Variants in ACSL3 observed in about 807,000 individuals in gnomAD.
ACSL3 encodes the protein fatty acid CoA ligase Acsl3.
A neutral mutation model predicts 84.7 loss-of-function variants in ACSL3; 34 were observed. The observed-to-expected ratio is 0.40, with a 90% CI of 0.31 to 0.53. The LOEUF (loss-of-function observed/expected upper bound fraction) is 0.53. ACSL3 is among the 20% of genes least tolerant of loss of function. The pLI, the probability that ACSL3 is intolerant of heterozygous loss-of-function variation, is 0.48. For synonymous variants in ACSL3, 315 were observed against 299.4 expected, an observed-to-expected ratio of 1.05 and a Z score of -0.54; for missense variants, 680 against 873.1, an observed-to-expected ratio of 0.78 and a Z score of 2.79.
chr2:222,892,577 G>A (rs1695868474), intron 2 of ACSL3, among the ~76,000 whole-genome samples: 1 of 152,070 alleles, frequency 6.6e-6, no homozygotes, highest in Non-Finnish European at 1.5e-5. Flanking sequence ...ATTCATCTGG[G>A]ACTCTTAAGT....
intron 1 of ACSL3, among the ~76,000 whole-genome samples, chr2:222,872,603 G>C (rs1240839206): frequency 6.6e-6 from 1 of 152,072 alleles, no homozygotes; most frequent in Non-Finnish European, 1.5e-5. Flanking sequence ...CCCTTCCCTG[G>C]TGCATAGAGT....
In ACSL3 at chr2:222,943,668, A is replaced by G. The variant is rs373984622; in HGVS notation, c.*2014A>G. 1.3e-5 allele frequency: 2 copies of G among 152,320 alleles called. No individual in the cohort carries two copies. The highest frequency in any genetic ancestry group is 6.5e-5 in the Admixed American group (1 of 15,300). The allele number at this position is 152,320 out of a possible 1,614,324, so 9.4% of individuals were successfully genotyped here. On this transcript the variant is annotated 3_prime_UTR_variant, in exon 17 of 17. Coordinates refer to ENST00000357430, the MANE Select transcript of ACSL3 (RefSeq NM_004457.5). ...CTAAAATGTCAGATGCCAGGTGTCA[A>G]ATGCCACAGTAGAAAGTGAAATTAA...
At chr2:222,869,895 AT>A (rs572283991) in intron 1 of ACSL3, among the ~76,000 whole-genome samples, 284 of 152,300 alleles carry the variant, frequency 1.9e-3, no homozygotes, top group African/African-American at 6.6e-3. Flanking sequence ...CTCTTTATTT[AT>A]TGATTAAACT....
At chr2:222,871,861 A>G (rs1201867642) in intron 1 of ACSL3, among the ~76,000 whole-genome samples, 1 of 152,052 alleles carries the variant, frequency 6.6e-6, no homozygotes, top group Non-Finnish European at 1.5e-5. Flanking sequence ...TAATGATAGG[A>G]GTCTTGTTGC....
chr2:222,902,590 C>T (rs1270525200), intron 3 of ACSL3, among the ~76,000 whole-genome samples: 2 of 152,186 alleles, frequency 1.3e-5, no homozygotes, highest in Admixed American at 6.5e-5. Flanking sequence ...CTCCTTAGTT[C>T]AGCTAAATCC....
intron 1 of ACSL3, among the ~76,000 whole-genome samples, chr2:222,886,303 A>T (rs1271823464): frequency 2.0e-5 from 3 of 151,912 alleles, no homozygotes. Context: ...TTCAACTCCC[A>T]CTTATGAGTG....
intron 13 of ACSL3, among the ~76,000 whole-genome samples, chr2:222,929,160 C>T (rs891034536): frequency 6.6e-6 from 1 of 152,006 alleles, no homozygotes; most frequent in Admixed American, 6.5e-5. Context: ...TACGTAGATG[C>T]AAGTAAGAAT....
In ACSL3 at chr2:222,869,874, C is replaced by G. The variant is rs75670553; in HGVS notation, c.-207+8616C>G. Among the ~76,000 whole-genome samples the G allele has an allele frequency of 1.6e-4, 25 of 152,240 alleles. No homozygotes were observed. The East Asian group carries it at 4.6e-3, about 28-fold the overall frequency. ...ACTTGGAGGACAAAAGCAATTAAGA[C>G]CTAGCGTAACCTCTTTATTTATTGA... is the stretch of plus-strand genomic sequence containing the variant. On this transcript the variant is annotated intron_variant, in intron 1 of 16. Coordinates refer to ENST00000357430, the MANE Select transcript of ACSL3 (RefSeq NM_004457.5).
At chr2:222,911,704 T>C (rs539608062) in intron 4 of ACSL3, among the ~76,000 whole-genome samples, 27 of 152,358 alleles carry the variant, frequency 1.8e-4, no homozygotes, top group Non-Finnish European at 3.4e-4. Context: ...ATGTGGTGAA[T>C]ATGAAATTTC....
At chr2:222,889,838 G>C (rs1323087509) in intron 2 of ACSL3, among the ~76,000 whole-genome samples, 1 of 152,214 alleles carries the variant, frequency 6.6e-6, no homozygotes, top group Non-Finnish European at 1.5e-5. Context: ...GCAGAGGCCA[G>C]GGAATGACAC....
chr2:222,883,691 C>T (rs1480767454), intron 1 of ACSL3, among the ~76,000 whole-genome samples: 1 of 54,954 alleles, frequency 1.8e-5, no homozygotes, highest in Non-Finnish European at 3.2e-5. Context: ...GGAATTTTTG[C>T]CTCTTTGTTC....
At position 222,908,756 on chromosome 2, in the gene ACSL3, C is replaced by T. The variant is rs1221327107; in HGVS notation, c.-17C>T. ...AGATTCTCGCTGAAGTCTGTTAATT[C>T]TACTTTTTGAGTACTTATGAATAAC... is the stretch of plus-strand genomic sequence containing the variant. On this transcript the variant is annotated 5_prime_UTR_variant, in exon 4 of 17. Coordinates refer to ENST00000357430, the MANE Select transcript of ACSL3 (RefSeq NM_004457.5). 1.3e-6 allele frequency: 2 copies of T among 1,561,976 alleles called. No homozygotes were observed. The highest frequency in any genetic ancestry group is 1.4e-5 in the African/African-American group (1 of 71,306).
At chr2:222,902,246 A>G (rs1355489372) in intron 3 of ACSL3, among the ~76,000 whole-genome samples, 3 of 152,172 alleles carry the variant, frequency 2.0e-5, no homozygotes, top group Non-Finnish European at 4.4e-5. Context: ...GCTATTAGCT[A>G]TATTAATTAC....
At chr2:222,940,873 A>T (rs944640472) in intron 16 of ACSL3, among the ~76,000 whole-genome samples, 1 of 151,794 alleles carries the variant, frequency 6.6e-6, no homozygotes, top group Non-Finnish European at 1.5e-5. Flanking sequence ...TATATTGGAT[A>T]CCCTATTAGA....
At chr2:222,918,753 G>A (rs1696651607) in intron 6 of ACSL3, among the ~76,000 whole-genome samples, 1 of 150,838 alleles carries the variant, frequency 6.6e-6, no homozygotes, top group South Asian at 2.1e-4. Context: ...AATATGAGGG[G>A]CTTCTGGTTT....
intron 1 of ACSL3, chr2:222,861,521 C>CGTGGGA (rs1695006844): frequency 1.3e-5 from 2 of 152,142 alleles, no homozygotes; most frequent in Admixed American, 1.3e-4. Flanking sequence ...GGAGCTGCAG[C>CGTGGGA]GCGAACGGCG....
At chr2:222,894,311 CAGAGA>C (rs1010960925) in intron 2 of ACSL3, among the ~76,000 whole-genome samples, 3 of 152,174 alleles carry the variant, frequency 2.0e-5, no homozygotes, top group Non-Finnish European at 4.4e-5. Context: ...AGAGGTCATA[CAGAGA>C]AGAGATCTTC....
chr2:222,930,923 G>A (rs1697014019), intron 14 of ACSL3, 111 bp downstream of exon 14: 9 of 986,960 alleles, frequency 9.1e-6, no homozygotes, highest in Non-Finnish European at 1.3e-5. Context: ...TGTAATCTTA[G>A]TTTGGGTTGT....
chr2:222,941,120 A>G (rs910223924), intron 16 of ACSL3, among the ~76,000 whole-genome samples: 5 of 152,060 alleles, frequency 3.3e-5, no homozygotes, highest in African/African-American at 1.2e-4. Context: ...TTTAGAGACA[A>G]GGTCTCGCTA....
Sources: gnomAD v4.1 joint callset for allele counts (sites outside exome capture counted in the v4.1 genomes callset) on GRCh38, gnomAD v4.1.1 for gene constraint, MANE v1.5 for transcripts, NCBI Gene and HGNC (gene_info 2026-07-23, HGNC 2026-07-21) for gene names.